The following LIMCH1 variants were observed in gnomAD, a reference collection of about 807,000 sequenced individuals.
The protein encoded by LIMCH1 is LIM and calponin homology domains 1.
LIMCH1 carries 113 observed loss-of-function variants against 176.5 expected under a neutral mutation model. That is an observed-to-expected ratio of 0.64 (90% CI 0.55 to 0.75). LIMCH1 has a LOEUF of 0.75. LIMCH1 is among the 30% of genes least tolerant of loss of function. LIMCH1 has a pLI of 0.00. For synonymous variants in LIMCH1, 619 were observed against 645.9 expected (o/e 0.96, Z 0.63); for missense variants, 1,674 against 1,814.9 (o/e 0.92, Z 1.41).
At chr4:41,384,383 T>C (rs976643973) in intron 1 of LIMCH1, among the ~76,000 whole-genome samples, 2 of 151,782 alleles carry the variant, frequency 1.3e-5, no homozygotes, top group African/African-American at 4.8e-5. Flanking sequence ...TTTTTTTTTT[T>C]ATTTTTAGTA....
chr4:41,670,899 T>A, intron 21 of LIMCH1: 1 of 1,482,414 alleles, frequency 6.7e-7, no homozygotes, highest in South Asian at 1.4e-5. Flanking sequence ...GGGAAAAAAT[T>A]ATTTCTTATG....
chr4:41,690,014 G>C (rs1724201136), intron 30 of LIMCH1, among the ~76,000 whole-genome samples: 1 of 152,162 alleles, frequency 6.6e-6, no homozygotes, highest in African/African-American at 2.4e-5. Context: ...TAATGTGAAA[G>C]GGTTTTAGTC....
At chr4:41,536,022 C>G (rs2077901433), upstream of LIMCH1, among the ~76,000 whole-genome samples, 1 of 152,078 alleles carries the variant, frequency 6.6e-6, no homozygotes, top group South Asian at 2.1e-4. Context: ...ACTTTTTTCC[C>G]TTAGGAATAG....
At chr4:41,401,868 T>C (rs1446636193) in intron 1 of LIMCH1, among the ~76,000 whole-genome samples, 1 of 152,220 alleles carries the variant, frequency 6.6e-6, no homozygotes, top group Non-Finnish European at 1.5e-5. Flanking sequence ...CTTGTGATTT[T>C]TGCACATTGA....
chr4:41,506,863 C>T (rs888185026), intron 2 of LIMCH1, among the ~76,000 whole-genome samples: 3 of 152,112 alleles, frequency 2.0e-5, no homozygotes, highest in African/African-American at 7.2e-5. Flanking sequence ...AACTTAATCT[C>T]GACACTAACT....
chr4:41,499,880 T>A (rs1041611501), intron 2 of LIMCH1, among the ~76,000 whole-genome samples: 4 of 152,240 alleles, frequency 2.6e-5, no homozygotes, highest in African/African-American at 7.2e-5. Context: ...TTACCATGCC[T>A]CTTTAGCTTC....
chr4:41,514,966 T>G (rs2075395012), intron 2 of LIMCH1, among the ~76,000 whole-genome samples: 1 of 152,226 alleles, frequency 6.6e-6, no homozygotes, highest in African/African-American at 2.4e-5. Context: ...AGCCCCACTG[T>G]TGAACCCGGC....
chr4:41,447,925 G>A (rs2063446514), intron 1 of LIMCH1, among the ~76,000 whole-genome samples: 1 of 152,064 alleles, frequency 6.6e-6, no homozygotes, highest in Non-Finnish European at 1.5e-5. Context: ...CTAGTAGCTG[G>A]GATTACAGGC....
chr4:41,635,595 C>A (rs985920041), intron 13 of LIMCH1, among the ~76,000 whole-genome samples: 1 of 152,054 alleles, frequency 6.6e-6, no homozygotes, highest in Non-Finnish European at 1.5e-5. Context: ...TTACTCTGAG[C>A]ACAGGGAGGA....
chr4:41,576,303 CTT>C (rs139602538), intron 1 of LIMCH1, among the ~76,000 whole-genome samples: 4,431 of 152,026 alleles, frequency 0.029, 196 homozygotes, highest in African/African-American at 0.099. Flanking sequence ...TCAAAAGTAA[CTT>C]ATTGTTTTAT....
chr4:41,405,958 G>A (rs1263174273), intron 1 of LIMCH1, among the ~76,000 whole-genome samples: 2 of 152,170 alleles, frequency 1.3e-5, no homozygotes, highest in South Asian at 2.1e-4. Flanking sequence ...TTTGTGTATA[G>A]AATGTTCTAG....
chr4:41,579,265 C>T (rs1561813424), intron 1 of LIMCH1, among the ~76,000 whole-genome samples: 1 of 152,136 alleles, frequency 6.6e-6, no homozygotes, highest in Non-Finnish European at 1.5e-5. Flanking sequence ...TTTACCACCT[C>T]CTGTTCCGTA....
At chr4:41,652,355 G>A (rs917516805) in intron 18 of LIMCH1, among the ~76,000 whole-genome samples, 2 of 152,100 alleles carry the variant, frequency 1.3e-5, no homozygotes, top group African/African-American at 4.8e-5. Flanking sequence ...TTCTCACCAT[G>A]GTAACACGTT....
chr4:41,391,899 A>G (rs1423687334), intron 1 of LIMCH1, among the ~76,000 whole-genome samples: 1 of 152,230 alleles, frequency 6.6e-6, no homozygotes, highest in Non-Finnish European at 1.5e-5. Flanking sequence ...TGATAAATGC[A>G]CTATGGTTAG....
chr4:41,473,303 C>T (rs1561481155), intron 1 of LIMCH1: 1 of 468,960 alleles, frequency 2.1e-6, no homozygotes, highest in Non-Finnish European at 2.8e-6. Flanking sequence ...TCACTACCAA[C>T]GTGTTGCATA....
chr4:41,650,650 C>A, intron 18 of LIMCH1, 42 bp downstream of exon 18: 2 of 1,487,148 alleles, frequency 1.3e-6, no homozygotes, highest in Non-Finnish European at 1.8e-6. Context: ...GGGATAATTC[C>A]ATGGTGAAAG....
chr4:41,429,727 C>T (rs1185527966), intron 1 of LIMCH1, among the ~76,000 whole-genome samples: 2 of 152,190 alleles, frequency 1.3e-5, no homozygotes, highest in Non-Finnish European at 2.9e-5. Flanking sequence ...GCTGCAGTAA[C>T]AAATGATACC....
At chr4:41,540,539 G>A (rs1272606293) in intron 1 of LIMCH1, among the ~76,000 whole-genome samples, 1 of 152,156 alleles carries the variant, frequency 6.6e-6, no homozygotes, top group Non-Finnish European at 1.5e-5. Flanking sequence ...AGGCGTTCGA[G>A]ACCAGCCTGG....
At chr4:41,570,978 G>A (rs2083462387) in intron 1 of LIMCH1, among the ~76,000 whole-genome samples, 1 of 152,168 alleles carries the variant, frequency 6.6e-6, no homozygotes, top group Non-Finnish European at 1.5e-5. Flanking sequence ...GAACTGAAAA[G>A]TGTCCCTTGG....
Sources: allele counts gnomAD v4.1 joint callset (sites outside exome capture counted in the v4.1 genomes callset), GRCh38; gene constraint gnomAD v4.1.1; transcripts MANE v1.5; gene names NCBI Gene and HGNC (gene_info 2026-07-23, HGNC 2026-07-21).